RAB7B: variants seen among roughly 807,000 people sequenced by gnomAD.
RAB7B encodes ras-related protein Rab-7b.
intron 4 of RAB7B, among the ~76,000 whole-genome samples, chr1:205,991,700 A>T (rs1660724147): frequency 6.6e-6 from 1 of 152,196 alleles, no homozygotes; most frequent in South Asian, 2.1e-4. Flanking sequence ...CAATTCAGAC[A>T]TGATGATCCA....
intron 5 of RAB7B, among the ~76,000 whole-genome samples, chr1:205,980,306 T>C (rs946855009): frequency 3.7e-4 from 57 of 152,378 alleles, no homozygotes; most frequent in African/African-American, 1.3e-3. Flanking sequence ...TTCATGCTAG[T>C]GTTGCCCTAA....
intron 4 of RAB7B, among the ~76,000 whole-genome samples, chr1:205,992,261 A>C (rs1660733581): frequency 1.3e-5 from 2 of 152,220 alleles, no homozygotes; most frequent in African/African-American, 4.8e-5. Flanking sequence ...TTAATGCCCA[A>C]GGTATATCTC....
rs2102640922 is a variant in RAB7B at position 205,993,465 on chromosome 1, G to A, written c.135C>T (p.Ile45=). 5.0e-6 allele frequency: 2 copies of A among 398,624 alleles called. No individual in the cohort carries two copies. Among genetic ancestry groups the A allele is most frequent in the Admixed American group, 8.8e-5 (2 of 22,726 alleles). 24.7% of individuals were successfully genotyped at this position (398,624 alleles called of 1,614,324 possible). A position where few individuals can be genotyped will look rare whatever the true frequency, so the allele number is the denominator to read the frequency against. The change falls in exon 3 of 6, where the codon ATC becomes ATT. Residue 45 remains isoleucine, a synonymous_variant. Transcript: ENST00000617070. ...EEYQTTLGAS[I]LSKIIILGDT... ...CACCCAATATGATAATCTTGGAGAG[G>A]ATGCTGGCCCCCAGTGTGGTCTGGT...
At chr1:205,994,283 C>T (rs1660773779) in intron 1 of RAB7B, 132 bp from the exon 2 acceptor site, 3 of 392,580 alleles carry the variant, frequency 7.6e-6, no homozygotes, top group East Asian at 3.6e-5. Flanking sequence ...TGGGGTTCTC[C>T]GAAGGAGGCA....
intron 5 of RAB7B, among the ~76,000 whole-genome samples, chr1:205,982,529 T>C (rs1337482120): frequency 1.3e-5 from 2 of 152,228 alleles, no homozygotes; most frequent in East Asian, 3.8e-4. Flanking sequence ...CTCTCTGCAC[T>C]ACAATAGCAT....
intron 1 of RAB7B, among the ~76,000 whole-genome samples, chr1:205,996,050 T>A (rs1381538677): frequency 6.6e-6 from 1 of 151,972 alleles, no homozygotes; most frequent in Admixed American, 6.6e-5. Context: ...GGAAATTACA[T>A]TATTTTAATT....
At chr1:205,983,186 G>A (rs1208026746) in intron 5 of RAB7B, among the ~76,000 whole-genome samples, 1 of 152,160 alleles carries the variant, frequency 6.6e-6, no homozygotes, top group African/African-American at 2.4e-5. Flanking sequence ...CTCCACGCCA[G>A]GTGTCTTCTT....
intron 4 of RAB7B, 144 bp from the exon 5 acceptor site, chr1:205,985,809 G>GCCCACCAGGCCCACCATCCCCACCATC (rs1660592855): frequency 1.4e-3 from 179 of 131,358 alleles, no homozygotes; most frequent in Middle Eastern, 7.9e-3. Context: ...TCCCCACCAG[G>GCCCACCAGGCCCACCATCCCCACCATC]CCCACCAGGC....
At position 205,978,641 on chromosome 1, in the gene RAB7B, G is replaced by A. The variant is rs1002281063; in HGVS notation, c.*210C>T. 3.2e-5 allele frequency: 12 copies of A among 380,064 alleles called. No homozygotes were observed. Among genetic ancestry groups the A allele is most frequent in the Admixed American group, 9.0e-5 (2 of 22,116 alleles). The allele number at this position is 380,064 out of a possible 1,614,324, so 23.5% of individuals were successfully genotyped here. A position where few individuals can be genotyped will look rare whatever the true frequency, so the allele number is the denominator to read the frequency against. On this transcript the variant is annotated 3_prime_UTR_variant, in exon 6 of 6. Transcript: ENST00000617070. ...CTGACATTCCGGGCTTCATCCAGAC[G>A]CTCTCACTATACTCAGCCTGAGCCA...
chr1:205,979,706 C>G (rs1166148361), intron 5 of RAB7B, among the ~76,000 whole-genome samples: 1 of 152,198 alleles, frequency 6.6e-6, no homozygotes, highest in Non-Finnish European at 1.5e-5. Flanking sequence ...TCATGTTCCT[C>G]CCACAGCCAG....
intron 5 of RAB7B, 55 bp from the exon 6 acceptor site, chr1:205,978,983 C>T (rs1660438399): frequency 2.5e-6 from 1 of 398,270 alleles, no homozygotes; most frequent in Non-Finnish European, 4.4e-6. Flanking sequence ...AGTGCACCGC[C>T]CGCCCTTCAT....
At chr1:206,003,138 A>C (rs1186431035) in intron 1 of RAB7B, 115 bp downstream of exon 1, 4 of 152,256 alleles carry the variant, frequency 2.6e-5, no homozygotes, top group Non-Finnish European at 4.4e-5. Flanking sequence ...CAGCTGCCAG[A>C]TTGGAAATCT....
At chr1:205,987,011 G>A (rs993504671) in intron 4 of RAB7B, among the ~76,000 whole-genome samples, 10 of 152,200 alleles carry the variant, frequency 6.6e-5, no homozygotes, top group East Asian at 5.8e-4. Flanking sequence ...CCAAGTGCCC[G>A]GTTATGACAG....
At chr1:205,991,648 T>G (rs1171736995) in intron 4 of RAB7B, among the ~76,000 whole-genome samples, 9 of 152,246 alleles carry the variant, frequency 5.9e-5, no homozygotes, top group Non-Finnish European at 1.5e-5. Flanking sequence ...AAATGATGCC[T>G]CATTTCCATT....
intron 4 of RAB7B, among the ~76,000 whole-genome samples, chr1:205,986,038 T>C (rs1660599386): frequency 6.6e-6 from 1 of 152,260 alleles, no homozygotes; most frequent in South Asian, 2.1e-4. Context: ...TTTGTTGCCT[T>C]CCTAAGGCCT....
At chr1:206,001,720 T>C (rs1376697448) in intron 1 of RAB7B, among the ~76,000 whole-genome samples, 1 of 152,212 alleles carries the variant, frequency 6.6e-6, no homozygotes, top group African/African-American at 2.4e-5. Flanking sequence ...CCTTCTTGTC[T>C]GGCAGCACTT....
At chr1:206,001,272 G>A (rs1247990561) in intron 1 of RAB7B, among the ~76,000 whole-genome samples, 8 of 136,304 alleles carry the variant, frequency 5.9e-5, no homozygotes, top group African/African-American at 2.5e-4. Context: ...TTTGGCAGTA[G>A]CCGTCTTTTT....
chr1:205,992,630 A>T lies in RAB7B; in HGVS notation c.246T>A (p.Asp82Glu), dbSNP rs1660742207. The T allele has an allele frequency of 7.5e-6, 3 of 398,682 alleles. No homozygotes were observed. The highest frequency in any genetic ancestry group is 1.3e-5 in the Non-Finnish European group (3 of 226,180). 24.7% of individuals were successfully genotyped at this position (398,682 alleles called of 1,614,324 possible). A position where few individuals can be genotyped will look rare whatever the true frequency, so the allele number is the denominator to read the frequency against. The change falls in exon 4 of 6, where the codon GAT (aspartate) becomes GAA (glutamate). Residue 82 changes from aspartate (D) to glutamate (E), a missense_variant. Coordinates refer to ENST00000617070, the MANE Select transcript of RAB7B (RefSeq NM_001164522.3). ...TGACATCAAAAGCTAGGATGCAGCC[A>T]TCGGAGCCCTTGTAGAACGTGGACA... is the stretch of plus-strand genomic sequence containing the variant. ...SMVSTFYKGS[D>E]GCILAFDVTD... is the part of the protein sequence containing the mutation.
intron 5 of RAB7B, among the ~76,000 whole-genome samples, chr1:205,982,894 A>C (rs1660521249): frequency 6.6e-6 from 1 of 152,192 alleles, no homozygotes; most frequent in African/African-American, 2.4e-5. Context: ...GTTTCATCTT[A>C]AGAATTGATG....
Sources: gnomAD v4.1 joint callset for allele counts (sites outside exome capture counted in the v4.1 genomes callset) on GRCh38, gnomAD v4.1.1 for gene constraint, MANE v1.5 for transcripts, NCBI Gene and HGNC (gene_info 2026-07-23, HGNC 2026-07-21) for gene names.